The following NFAT5 variants were observed in gnomAD, a reference collection of about 807,000 sequenced individuals.
The protein encoded by NFAT5 is nuclear factor of activated T-cells 5.
Under a neutral mutation model 166.5 loss-of-function variants are expected in NFAT5, and 31 were observed. That is an observed-to-expected ratio of 0.19 (90% CI 0.14 to 0.25). The LOEUF (loss-of-function observed/expected upper bound fraction) is 0.25, where lower values mean the gene tolerates loss of function less well. Ranked by LOEUF, NFAT5 falls within the 10% of genes least tolerant of loss-of-function variation. The pLI is 1.00. For missense variants in NFAT5, 1,449 were observed against 1,821.8 expected (o/e 0.80, Z 3.72); for synonymous variants, 612 against 639.7 (o/e 0.96, Z 0.65).
At chr16:69,605,213 G>A (rs1035857924) in intron 2 of NFAT5, among the ~76,000 whole-genome samples, 1 of 152,218 alleles carries the variant, frequency 6.6e-6, no homozygotes, top group Non-Finnish European at 1.5e-5. Context: ...GCCAAGGCAG[G>A]TGGATCACTT....
At chr16:69,682,109 T>A (rs1271167971) in intron 10 of NFAT5, among the ~76,000 whole-genome samples, 2 of 151,930 alleles carry the variant, frequency 1.3e-5, no homozygotes, top group African/African-American at 4.8e-5. Flanking sequence ...CTCAGGCACT[T>A]AGATACTTTT....
chr16:69,641,427 C>CT (rs1421103460), intron 3 of NFAT5, among the ~76,000 whole-genome samples: 2 of 151,204 alleles, frequency 1.3e-5, no homozygotes, highest in Non-Finnish European at 2.9e-5. Context: ...TTTAAACTAG[C>CT]TTTTTTAGAA....
At position 69,684,876 on chromosome 16, in the gene NFAT5, T is replaced by C. The variant is rs971654107; in HGVS notation, c.1691-11T>C. On this transcript the variant is annotated splice_polypyrimidine_tract_variant and intron_variant, in intron 10 of 14. Transcript: ENST00000349945. The stretch of plus-strand genomic sequence containing the variant: ...AAATGTAGATAAATACATTAATCTT[T>C]TTTTTAATAGCAGCAGCTGGTGCTT... The C allele has an allele frequency of 4.4e-6, 7 of 1,583,768 alleles. No individual in the cohort carries two copies. The highest frequency in any genetic ancestry group is 4.3e-6 in the Non-Finnish European group (5 of 1,164,338).
intron 2 of NFAT5, among the ~76,000 whole-genome samples, chr16:69,611,472 C>T (rs1485786944): frequency 6.6e-6 from 1 of 152,144 alleles, no homozygotes; most frequent in Non-Finnish European, 1.5e-5. Flanking sequence ...TAGCAGATGT[C>T]TTAGTCTGTT....
At chr16:69,606,352 T>G (rs2033409371) in intron 2 of NFAT5, among the ~76,000 whole-genome samples, 1 of 152,126 alleles carries the variant, frequency 6.6e-6, no homozygotes, top group South Asian at 2.1e-4. Context: ...AACTTGAGAG[T>G]ACACTAAAGG....
intron 2 of NFAT5, among the ~76,000 whole-genome samples, chr16:69,624,660 C>T (rs1389918141): frequency 6.6e-6 from 1 of 152,142 alleles, no homozygotes; most frequent in South Asian, 2.1e-4. Context: ...TAGTGATTAA[C>T]TAGGAAGCTC....
At position 69,566,258 on chromosome 16, in the gene NFAT5, TC is replaced by T. The variant is rs544386664; in HGVS notation, c.-37del. 776 of 1,565,682 alleles carry T rather than the reference TC, an allele frequency of 5.0e-4. 7 individuals are homozygous for T. The African/African-American group carries it at 9.9e-3, about 20-fold the overall frequency. On this transcript the variant is annotated 5_prime_UTR_variant, in exon 1 of 15. Transcript: ENST00000349945. This position sits in a 1 kb window ranked among gnomAD's most constrained non-coding sequence, Gnocchi z 5.7. ...GAGGAGGTGCCGCCGCCACCGCCGC[TC>T]CCCCCCTCCCGCTGCCCTCGGGCCG...
At chr16:69,586,641 G>A (rs1171169466) in intron 2 of NFAT5, among the ~76,000 whole-genome samples, 1 of 151,982 alleles carries the variant, frequency 6.6e-6, no homozygotes, top group Non-Finnish European at 1.5e-5. Flanking sequence ...GACCTCAGGT[G>A]ATCTGCCCAC....
At chr16:69,639,355 C>T (rs1284433127) in intron 3 of NFAT5, among the ~76,000 whole-genome samples, 4 of 151,976 alleles carry the variant, frequency 2.6e-5, no homozygotes, top group Admixed American at 1.3e-4. Context: ...TTTCAGGGAG[C>T]ACTCTTTAGT....
At chr16:69,594,951 CT>C (rs1254700820) in intron 2 of NFAT5, among the ~76,000 whole-genome samples, 1 of 152,152 alleles carries the variant, frequency 6.6e-6, no homozygotes, top group African/African-American at 2.4e-5. Flanking sequence ...GAGATGTAGG[CT>C]GAGAGACTAA....
Position 69,647,336 on chromosome 16 carries a change from C to G in NFAT5, c.562C>G (p.Gln188Glu). Reference sequence around the variant, plus strand: ...TGAGGGGTGTGGATTGGAATCTGAGCAGAGCTGCAGTATGTGGATGGAGGA... The same window carrying G: ...TGAGGGGTGTGGATTGGAATCTGAGGAGAGCTGCAGTATGTGGATGGAGGA... The part of the protein sequence containing the change: ...QDEGCGLESE[Q>E]SCSMWMEDSP... Residue 188 changes from glutamine to glutamate, a missense_variant, in exon 4 of 15, where the codon CAG becomes GAG. By Grantham distance (29) the Gln-to-Glu change is conservative. Coordinates refer to ENST00000349945, the MANE Select transcript of NFAT5 (RefSeq NM_138713.4). This position sits in a 1 kb window ranked among gnomAD's most constrained non-coding sequence, Gnocchi z 4.8. The G allele has an allele frequency of 1.2e-6, 2 of 1,614,180 alleles. No individual in the cohort carries two copies. Among genetic ancestry groups the G allele is most frequent in the Non-Finnish European group, 1.7e-6 (2 of 1,180,038 alleles).
chr16:69,577,774 A>G (rs1377244475), intron 2 of NFAT5, among the ~76,000 whole-genome samples: 1 of 152,190 alleles, frequency 6.6e-6, no homozygotes, highest in Non-Finnish European at 1.5e-5. Flanking sequence ...GTGCATTTCT[A>G]TACTTCTATA....
rs1166261719 is a variant in NFAT5 at position 69,647,164 on chromosome 16, G to C, written c.390G>C (p.Val130=). The C allele has an allele frequency of 6.2e-7, 1 of 1,613,970 alleles. No homozygotes were observed. The highest frequency in any genetic ancestry group is 2.2e-5 in the East Asian group (1 of 44,890). The change falls in exon 4 of 15, where the codon GTG becomes GTC. Residue 130 remains valine, a synonymous_variant. Coordinates refer to ENST00000349945, the MANE Select transcript of NFAT5 (RefSeq NM_138713.4). This position sits in a 1 kb window ranked among gnomAD's most constrained non-coding sequence, Gnocchi z 4.8. The part of the protein sequence containing the change: ...AMQVESCSSA[V]GVSNRGVSEK... ...AAGTGGAGAGCTGCTCCTCAGCCGT[G>C]GGGGTAAGTAACAGAGGGGTAAGTG... is the stretch of plus-strand genomic sequence containing the variant.
At chr16:69,662,526 CT>C (rs1427355563) in intron 7 of NFAT5, among the ~76,000 whole-genome samples, 2 of 131,300 alleles carry the variant, frequency 1.5e-5, no homozygotes, top group African/African-American at 5.8e-5. Flanking sequence ...GCATCATGAT[CT>C]CTGCTCACTG....
At chr16:69,572,837 T>C (rs1311587612) in intron 2 of NFAT5, among the ~76,000 whole-genome samples, 1 of 152,004 alleles carries the variant, frequency 6.6e-6, no homozygotes, top group East Asian at 1.9e-4. Flanking sequence ...ATCTTTGTTA[T>C]TTATTTATTT....
At chr16:69,628,926 C>T (rs1272575970) in intron 3 of NFAT5, among the ~76,000 whole-genome samples, 1 of 151,988 alleles carries the variant, frequency 6.6e-6, no homozygotes, top group Non-Finnish European at 1.5e-5. Context: ...TATAAAAAAT[C>T]AGCCGGGCGT....
At chr16:69,592,898 A>G (rs1453159147) in intron 2 of NFAT5, among the ~76,000 whole-genome samples, 1 of 152,174 alleles carries the variant, frequency 6.6e-6, no homozygotes, top group Non-Finnish European at 1.5e-5. Context: ...AGAGGCATGG[A>G]TATAAGAATG....
chr16:69,577,404 A>G (rs2016820985), intron 2 of NFAT5, among the ~76,000 whole-genome samples: 1 of 152,212 alleles, frequency 6.6e-6, no homozygotes, highest in Admixed American at 6.5e-5. Flanking sequence ...ATATACATGA[A>G]AAATATATGG....
In NFAT5 at chr16:69,566,708, G is replaced by T. The variant is rs530266709; in HGVS notation, c.73+334G>T. Among the ~76,000 whole-genome samples, 1 of 152,198 alleles carries T rather than the reference G, an allele frequency of 6.6e-6. No homozygotes were observed. The highest frequency in any genetic ancestry group is 1.9e-4 in the East Asian group (1 of 5,150). Reference sequence around the variant, plus strand: ...CGAGCCGCCGGCCCCGGCCTCCCGGGCTCGGGGATGGCCCCAGACTGGGCC... The same window carrying T: ...CGAGCCGCCGGCCCCGGCCTCCCGGTCTCGGGGATGGCCCCAGACTGGGCC... On this transcript the variant is annotated intron_variant, in intron 1 of 14. Coordinates refer to ENST00000349945, the MANE Select transcript of NFAT5 (RefSeq NM_138713.4). This position sits in a 1 kb window ranked among gnomAD's most constrained non-coding sequence, Gnocchi z 5.7.
Sources: allele counts gnomAD v4.1 joint callset (sites outside exome capture counted in the v4.1 genomes callset), GRCh38; gene constraint gnomAD v4.1.1; non-coding constraint Gnocchi (gnomAD v3.1); transcripts MANE v1.5; gene names NCBI Gene and HGNC (gene_info 2026-07-23, HGNC 2026-07-21).